The following GABRB2 variants were observed in gnomAD, a reference collection of about 807,000 sequenced individuals.
The protein encoded by GABRB2 is gamma-aminobutyric acid type A receptor subunit beta2.
In GABRB2, 16 loss-of-function variants were observed where a neutral mutation model predicts 54.7. That is an observed-to-expected ratio of 0.29 (90% CI 0.20 to 0.44). The LOEUF is 0.44. Among genes scored for constraint, GABRB2 ranks in the 20% least tolerant of loss-of-function variants. GABRB2 has a pLI of 1.00. For synonymous variants in GABRB2, 244 were observed against 233.8 expected (o/e 1.04, Z -0.40); for missense variants, 355 against 644.0 (o/e 0.55, Z 4.86).
At chr5:161,429,297 G>T (rs1481454094) in intron 4 of GABRB2, among the ~76,000 whole-genome samples, 1 of 121,382 alleles carries the variant, frequency 8.2e-6, no homozygotes, top group Non-Finnish European at 1.6e-5. Context: ...AGTGAGCTGA[G>T]ATCGCACCAC....
chr5:161,392,972 A>G (rs185940539), intron 5 of GABRB2, among the ~76,000 whole-genome samples: 83 of 152,248 alleles, frequency 5.5e-4, no homozygotes, highest in Non-Finnish European at 1.0e-3. Context: ...TATAGTTATA[A>G]AATGTGTTAA....
At chr5:161,474,358 T>A (rs1475166769) in intron 3 of GABRB2, among the ~76,000 whole-genome samples, 1 of 151,992 alleles carries the variant, frequency 6.6e-6, no homozygotes, top group Non-Finnish European at 1.5e-5. Context: ...CATTACAAAA[T>A]CCTAAATGGG....
chr5:161,425,519 G>A (rs1756972328), intron 4 of GABRB2, among the ~76,000 whole-genome samples: 1 of 151,970 alleles, frequency 6.6e-6, no homozygotes, highest in African/African-American at 2.4e-5. Flanking sequence ...TTTTAAATAA[G>A]GAATGTACAT....
chr5:161,330,599 C>T (rs190013650), intron 8 of GABRB2: 12 of 271,474 alleles, frequency 4.4e-5, no homozygotes, highest in Non-Finnish European at 2.1e-5. Context: ...TTAAAGAATG[C>T]ATAAATAATT....
intron 3 of GABRB2, among the ~76,000 whole-genome samples, chr5:161,466,267 T>A (rs1758273384): frequency 6.6e-6 from 1 of 152,094 alleles, no homozygotes; most frequent in Non-Finnish European, 1.5e-5. Flanking sequence ...GTCATCTTAA[T>A]CTTGAATCGT....
chr5:161,463,554 TTTATA>T (rs1561659469), intron 3 of GABRB2, among the ~76,000 whole-genome samples: 5 of 22,066 alleles, frequency 2.3e-4, no homozygotes, highest in African/African-American at 7.4e-4. Flanking sequence ...AATATTTTTA[TTTATA>T]TATATATATA....
chr5:161,429,544 A>G (rs1373669937), intron 4 of GABRB2, among the ~76,000 whole-genome samples: 1 of 151,986 alleles, frequency 6.6e-6, no homozygotes, highest in Non-Finnish European at 1.5e-5. Flanking sequence ...CATGACCAGA[A>G]CCAGGACATA....
At chr5:161,461,195 T>C (rs1758109946) in intron 3 of GABRB2, among the ~76,000 whole-genome samples, 1 of 152,188 alleles carries the variant, frequency 6.6e-6, no homozygotes, top group South Asian at 2.1e-4. Context: ...TCTAGTCTGA[T>C]CAAGGTGGGT....
intron 9 of GABRB2, among the ~76,000 whole-genome samples, chr5:161,310,009 G>C (rs1161045228): frequency 6.6e-6 from 1 of 152,168 alleles, no homozygotes; most frequent in East Asian, 1.9e-4. Flanking sequence ...TACATCCTTT[G>C]CAGGGACATG....
In GABRB2 at chr5:161,345,830, G is replaced by A. The variant is rs114540898; in HGVS notation, c.542-9061C>T. Reference sequence around the variant, plus strand: ...TCAAGAGGGTGAAGAACCATGTCCGGTCCTTCTCTATAGCTCTTTTCCTTC... The same window carrying A: ...TCAAGAGGGTGAAGAACCATGTCCGATCCTTCTCTATAGCTCTTTTCCTTC... On this transcript the variant is annotated intron_variant, in intron 5 of 9. Transcript: ENST00000393959. 8.4e-3 allele frequency among the ~76,000 whole-genome samples: 1,272 copies of A among 152,096 alleles called. 20 individuals are homozygous for A. Among genetic ancestry groups the A allele is most frequent in the African/African-American group, 0.029 (1,184 of 41,522 alleles).
At chr5:161,430,338 A>T (rs1757141149) in intron 4 of GABRB2, among the ~76,000 whole-genome samples, 1 of 152,152 alleles carries the variant, frequency 6.6e-6, no homozygotes, top group African/African-American at 2.4e-5. Context: ...ATTTTAGATT[A>T]TTTTTTCATC....
chr5:161,449,961 A>G (rs1757745389), intron 4 of GABRB2, among the ~76,000 whole-genome samples: 1 of 152,190 alleles, frequency 6.6e-6, no homozygotes, highest in Non-Finnish European at 1.5e-5. Flanking sequence ...TGAATGTACT[A>G]TGTATATCAA....
intron 3 of GABRB2, among the ~76,000 whole-genome samples, chr5:161,474,366 G>A (rs1333155133): frequency 6.6e-6 from 1 of 151,908 alleles, no homozygotes; most frequent in African/African-American, 2.4e-5. Flanking sequence ...AATCCTAAAT[G>A]GGTTTTCTCC....
At chr5:161,362,832 C>A (rs2113454639) in intron 5 of GABRB2, among the ~76,000 whole-genome samples, 1 of 152,230 alleles carries the variant, frequency 6.6e-6, no homozygotes, top group African/African-American at 2.4e-5. Flanking sequence ...AATGAGATAC[C>A]ATCTCACGCC....
At chr5:161,347,656 G>T (rs773378290) in intron 5 of GABRB2, among the ~76,000 whole-genome samples, 11 of 152,086 alleles carry the variant, frequency 7.2e-5, no homozygotes, top group Non-Finnish European at 1.5e-4. Context: ...GCCCACCTGT[G>T]TGAGGACCAC....
chr5:161,489,307 G>A (rs1341711354), intron 3 of GABRB2, among the ~76,000 whole-genome samples: 1 of 151,300 alleles, frequency 6.6e-6, no homozygotes, highest in Middle Eastern at 3.2e-3. Context: ...ATGAAAAAAG[G>A]CAAGCAACAT....
intron 5 of GABRB2, among the ~76,000 whole-genome samples, chr5:161,360,813 G>A (rs1213781505): frequency 6.6e-6 from 1 of 151,402 alleles, no homozygotes; most frequent in African/African-American, 2.4e-5. Flanking sequence ...ACAGTAACCT[G>A]AATATAAGTT....
chr5:161,436,323 T>C (rs1757307022), intron 4 of GABRB2, among the ~76,000 whole-genome samples: 5 of 151,958 alleles, frequency 3.3e-5, no homozygotes, highest in Admixed American at 2.6e-4. Context: ...ACGAGGTCAG[T>C]AGGTCGAGAC....
chr5:161,445,948 C>T (rs115785846), intron 4 of GABRB2, among the ~76,000 whole-genome samples: 2,013 of 152,198 alleles, frequency 0.013, 44 homozygotes, highest in African/African-American at 0.046. Flanking sequence ...TAAATCTCTT[C>T]AAATATTTCA....
Sources: allele counts gnomAD v4.1 joint callset (sites outside exome capture counted in the v4.1 genomes callset), GRCh38; gene constraint gnomAD v4.1.1; transcripts MANE v1.5; gene names NCBI Gene and HGNC (gene_info 2026-07-23, HGNC 2026-07-21).